SMAD6: variants seen among roughly 807,000 people sequenced by gnomAD.
The protein encoded by SMAD6 is MAD homolog 6.
A neutral mutation model predicts 39.4 loss-of-function variants in SMAD6; 103 were observed. The observed-to-expected ratio is 2.62, with a 90% confidence interval of 2.23 to 3.08. The LOEUF (loss-of-function observed/expected upper bound fraction) is 3.08, where lower values mean the gene tolerates loss of function less well. Among genes scored for constraint, SMAD6 ranks in the 30% most tolerant of loss-of-function variants. SMAD6 has a pLI of 0.00. For synonymous variants in SMAD6, 445 were observed against 353.3 expected, an observed-to-expected ratio of 1.26 and a Z score of -2.91; for missense variants, 1,104 against 742.9, an observed-to-expected ratio of 1.49 and a Z score of -5.65.
intron 3 of SMAD6, among the ~76,000 whole-genome samples, chr15:66,774,804 C>T (rs1894437766): frequency 6.6e-6 from 1 of 151,272 alleles, no homozygotes. Flanking sequence ...CCAGCTGTCT[C>T]CCTCTCCCCA....
chr15:66,757,008 A>T (rs1595790767), intron 3 of SMAD6, among the ~76,000 whole-genome samples: 1 of 152,170 alleles, frequency 6.6e-6, no homozygotes, highest in Non-Finnish European at 1.5e-5. Context: ...CCTGACTGGG[A>T]GTCCTTAGAC....
chr15:66,737,816 C>T (rs781676741), intron 3 of SMAD6, among the ~76,000 whole-genome samples: 8 of 152,252 alleles, frequency 5.3e-5, no homozygotes, highest in East Asian at 3.9e-4. Flanking sequence ...ACCCAAGCCC[C>T]AGTGACGCGG....
At chr15:66,704,097 G>T in intron 1 of SMAD6, 22 bp downstream of exon 1, 1 of 1,416,898 alleles carries the variant, frequency 7.1e-7, no homozygotes, top group Non-Finnish European at 9.2e-7. Context: ...GCGCCGGCCG[G>T]GGGGGCCCCG....
At chr15:66,776,659 C>T (rs1261060869) in intron 3 of SMAD6, among the ~76,000 whole-genome samples, 3 of 152,130 alleles carry the variant, frequency 2.0e-5, no homozygotes, top group Admixed American at 2.0e-4. Context: ...CTTTGGGGCA[C>T]CAGATTATTA....
chr15:66,757,820 A>T (rs557708511), intron 3 of SMAD6, among the ~76,000 whole-genome samples: 17 of 152,244 alleles, frequency 1.1e-4, no homozygotes, highest in African/African-American at 3.9e-4. Flanking sequence ...AGGACAACAG[A>T]GTGGCATGGA....
intron 2 of SMAD6, among the ~76,000 whole-genome samples, chr15:66,712,316 C>T (rs1007217685): frequency 3.9e-5 from 6 of 152,178 alleles, no homozygotes; most frequent in African/African-American, 1.2e-4. Context: ...AACTCCCATT[C>T]AGAGGCAGAA....
At position 66,703,806 on chromosome 15, in the gene SMAD6, T is replaced by A; in HGVS notation, c.548T>A (p.Leu183His). 7.0e-7 allele frequency: 1 copy of A among 1,434,492 alleles called. No homozygotes were observed. The highest frequency in any genetic ancestry group is 3.2e-5 in the East Asian group (1 of 31,508). 88.9% of individuals were successfully genotyped at this position (1,434,492 alleles called of 1,614,324 possible). ...GTCACGTACTCGCTGCTGAAGCGGC[T>A]CAAGGAGCGCTCGCTGGACACGCTG... Reference protein sequence around the residue: ...KTVTYSLLKRLKERSLDTLLE... With the variant: ...KTVTYSLLKRHKERSLDTLLE... Residue 183 changes from leucine (L) to histidine (H), a missense_variant, in exon 1 of 4, where the codon CTC (leucine) becomes CAC (histidine). Leu to His is a moderately conservative substitution (Grantham distance 99). Coordinates refer to ENST00000288840, the MANE Select transcript of SMAD6 (RefSeq NM_005585.5).
intron 3 of SMAD6, among the ~76,000 whole-genome samples, chr15:66,766,197 T>G (rs1595796217): frequency 6.7e-6 from 1 of 148,246 alleles, no homozygotes; most frequent in African/African-American, 2.5e-5. Flanking sequence ...GGAAGGGAGG[T>G]GGAAGGGATG....
At chr15:66,744,745 C>G (rs1893878411) in intron 3 of SMAD6, among the ~76,000 whole-genome samples, 1 of 152,222 alleles carries the variant, frequency 6.6e-6, no homozygotes, top group Non-Finnish European at 1.5e-5. Flanking sequence ...GTCTAGATCC[C>G]AGCAGGAAAG....
chr15:66,763,911 C>T (rs1319196464), intron 3 of SMAD6, among the ~76,000 whole-genome samples: 2 of 152,244 alleles, frequency 1.3e-5, no homozygotes, highest in Non-Finnish European at 2.9e-5. Context: ...GGCATGTTGG[C>T]ATGCCAGAGC....
chr15:66,732,894 C>T (rs575920682), intron 3 of SMAD6, among the ~76,000 whole-genome samples: 1 of 151,844 alleles, frequency 6.6e-6, no homozygotes, highest in Non-Finnish European at 1.5e-5. Context: ...TTCTGCCAAA[C>T]CCAAGGACAG....
chr15:66,770,860 G>C (rs969599238), intron 3 of SMAD6, among the ~76,000 whole-genome samples: 19 of 152,192 alleles, frequency 1.2e-4, no homozygotes, highest in Non-Finnish European at 7.3e-5. Flanking sequence ...TCAGGCTTAA[G>C]TAGTTGCAGT....
In SMAD6 at chr15:66,722,433, G is replaced by A. The variant is rs142403393; in HGVS notation, c.952+5935G>A. On this transcript the variant is annotated intron_variant, in intron 3 of 3. Coordinates refer to ENST00000288840, the MANE Select transcript of SMAD6 (RefSeq NM_005585.5). Reference sequence around the variant, plus strand: ...AAACAATCAGACTTGAACCTAGCCCGGTCCCTTTGGGTTTAAGAGGTGGCC... The same window carrying A: ...AAACAATCAGACTTGAACCTAGCCCAGTCCCTTTGGGTTTAAGAGGTGGCC... 5.3e-3 allele frequency among the ~76,000 whole-genome samples: 809 copies of A among 152,326 alleles called. 8 individuals are homozygous for A. Among genetic ancestry groups the A allele is most frequent in the African/African-American group, 0.019 (774 of 41,568 alleles).
intron 3 of SMAD6, among the ~76,000 whole-genome samples, chr15:66,729,133 G>C (rs1039206699): frequency 4.6e-5 from 7 of 152,178 alleles, no homozygotes; most frequent in Admixed American, 3.9e-4. Context: ...GCTCGGCCTA[G>C]AGCAGGATCT....
chr15:66,717,212 G>T (rs1393381128), intron 3 of SMAD6: 5 of 1,097,426 alleles, frequency 4.6e-6, no homozygotes, highest in Admixed American at 4.6e-5. Flanking sequence ...ATGGCTGGTG[G>T]CATGGTGGCC....
intron 3 of SMAD6, among the ~76,000 whole-genome samples, chr15:66,774,943 C>T (rs1894440907): frequency 6.6e-6 from 1 of 152,060 alleles, no homozygotes; most frequent in South Asian, 2.1e-4. Flanking sequence ...CTCACTGCAG[C>T]GTCCGCCTCC....
chr15:66,726,269 A>G (rs1273340488), intron 3 of SMAD6, among the ~76,000 whole-genome samples: 1 of 152,156 alleles, frequency 6.6e-6, no homozygotes, highest in Non-Finnish European at 1.5e-5. Context: ...TCTGGTGTGT[A>G]GTAGGCGTTG....
chr15:66,766,206 T>G (rs1894284916), intron 3 of SMAD6, among the ~76,000 whole-genome samples: 1 of 149,356 alleles, frequency 6.7e-6, no homozygotes, highest in Non-Finnish European at 1.5e-5. Context: ...GTGGAAGGGA[T>G]GGGGGGCAGG....
intron 3 of SMAD6, among the ~76,000 whole-genome samples, chr15:66,769,688 G>A (rs967958252): frequency 1.3e-5 from 2 of 152,098 alleles, no homozygotes; most frequent in African/African-American, 4.8e-5. Context: ...TTGCTTTTAT[G>A]GCTTTATATT....
Sources: gnomAD v4.1 joint callset for allele counts (sites outside exome capture counted in the v4.1 genomes callset) on GRCh38, gnomAD v4.1.1 for gene constraint, MANE v1.5 for transcripts, NCBI Gene and HGNC (gene_info 2026-07-23, HGNC 2026-07-21) for gene names.